Variants in CASP9 observed in about 807,000 individuals in gnomAD.
CASP9 encodes caspase-9.
A neutral mutation model predicts 43.5 loss-of-function variants in CASP9; 29 were observed. That is an observed-to-expected ratio of 0.67 (90% CI 0.50 to 0.91). The LOEUF is 0.91. Ranked by LOEUF, CASP9 falls within the 40% of genes least tolerant of loss-of-function variation. The pLI is 0.00. For synonymous variants in CASP9, 206 were observed against 211.9 expected (o/e 0.97, Z 0.24); for missense variants, 575 against 537.4 (o/e 1.07, Z -0.69).
chr1:15,523,839 ATG>A (rs1177033689), intron 1 of CASP9, among the ~76,000 whole-genome samples: 1 of 152,216 alleles, frequency 6.6e-6, no homozygotes, highest in Non-Finnish European at 1.5e-5. Context: ...AGTTCTCAAG[ATG>A]TGTCTCACAT....
chr1:15,516,444 G>A (rs888534404), intron 2 of CASP9, among the ~76,000 whole-genome samples: 14 of 151,086 alleles, frequency 9.3e-5, no homozygotes, highest in African/African-American at 2.9e-4. Context: ...TCATGCCACT[G>A]CACTCCAGCC....
At chr1:15,500,783 G>T (rs557747674) in intron 6 of CASP9, among the ~76,000 whole-genome samples, 3 of 152,260 alleles carry the variant, frequency 2.0e-5, no homozygotes, top group African/African-American at 7.2e-5. Context: ...CTGGCAGCCT[G>T]TGGGGGCGGA....
rs752726163 is a variant in CASP9 at position 15,493,816 on chromosome 1, C to G, written c.1158+76G>C. 4 of 1,544,362 alleles carry G rather than the reference C, an allele frequency of 2.6e-6. No homozygotes were observed. The African/African-American group carries it at 4.1e-5, about 16-fold the overall frequency. On this transcript the variant is annotated intron_variant, in intron 8 of 8. Transcript: ENST00000333868. ...TGGTTTGGGCCTGCCCTGCTCACCC[C>G]AAATCCCCAGCCCCAGGAGGACACG... is the stretch of plus-strand genomic sequence containing the variant.
chr1:15,501,000 T>C (rs149627797), intron 6 of CASP9, among the ~76,000 whole-genome samples: 1 of 152,340 alleles, frequency 6.6e-6, no homozygotes, highest in South Asian at 2.1e-4. Context: ...CTGCACTGTA[T>C]GCATGGCTTG....
At chr1:15,498,622 T>G (rs1055891577) in intron 6 of CASP9, among the ~76,000 whole-genome samples, 1 of 152,088 alleles carries the variant, frequency 6.6e-6, no homozygotes, top group Non-Finnish European at 1.5e-5. Flanking sequence ...AAGATCACAG[T>G]GTCCCCTTTA....
Position 15,493,951 on chromosome 1 carries a change from G to A in CASP9, c.1099C>T (p.Leu367=), listed in dbSNP as rs146640823. Residue 367 remains leucine, a synonymous_variant, in exon 8 of 9, where the codon CTG becomes TTG. Coordinates refer to ENST00000333868, the MANE Select transcript of CASP9 (RefSeq NM_001229.5). ...GCCCACTGCTCAAAGATGTCGTCCA[G>A]GGTCTCAACGTACCAGGAGCCACTC... The part of the protein sequence containing the change: ...PKSGSWYVET[L]DDIFEQWAHS... The A allele has an allele frequency of 1.2e-6, 2 of 1,604,744 alleles. No homozygotes were observed. Among genetic ancestry groups the A allele is most frequent in the Admixed American group, 1.7e-5 (1 of 59,154 alleles).
Position 15,506,965 on chromosome 1 carries a change from C to T in CASP9, c.564G>A (p.Glu188=). ...RTRTGSNIDC[E]KLRRRFSSLH... Reference sequence around the variant, plus strand: ...GCGAGGAGAAGCGACGCCGCAACTTCTCACAGTCGATGTTGGAGCCAGTGC... The same window carrying T: ...GCGAGGAGAAGCGACGCCGCAACTTTTCACAGTCGATGTTGGAGCCAGTGC... Residue 188 remains glutamate, a synonymous_variant, in exon 4 of 9, where the codon GAG becomes GAA. Transcript: ENST00000333868. 1.9e-6 allele frequency: 3 copies of T among 1,614,204 alleles called. No homozygotes were observed. The highest frequency in any genetic ancestry group is 2.7e-5 in the African/African-American group (2 of 75,072).
intron 8 of CASP9, 96 bp downstream of exon 8, chr1:15,493,796 T>A: frequency 6.5e-7 from 1 of 1,534,084 alleles, no homozygotes; most frequent in Admixed American, 2.0e-5. Context: ...ACCCTTGGTT[T>A]GGGCCTGCCC....
chr1:15,524,456 A>ACCGCGCCGCCCCAGAACACGCT (rs1308549416), upstream of CASP9: 4 of 831,606 alleles, frequency 4.8e-6, no homozygotes, highest in South Asian at 8.3e-5. Flanking sequence ...GCCTCCCATC[A>ACCGCGCCGCCCCAGAACACGCT]CCGCGCCGCC....
chr1:15,504,772 A>G lies in CASP9; in HGVS notation c.721-14T>C. The stretch of plus-strand genomic sequence containing the variant: ...CAGGTGGCTGGCCTAGAAGACCAAG[A>G]ACCCTGGTTACAAAACCAAGAAGTT... On this transcript the variant is annotated splice_polypyrimidine_tract_variant and intron_variant, in intron 5 of 8. Coordinates refer to ENST00000333868, the MANE Select transcript of CASP9 (RefSeq NM_001229.5). 2 of 1,603,170 alleles carry G rather than the reference A, an allele frequency of 1.2e-6. No individual in the cohort carries two copies. Among genetic ancestry groups the G allele is most frequent in the Non-Finnish European group, 1.7e-6 (2 of 1,175,988 alleles).
intron 2 of CASP9, among the ~76,000 whole-genome samples, chr1:15,513,242 TTACTAAG>T (rs1352524662): frequency 1.3e-5 from 2 of 152,058 alleles, no homozygotes; most frequent in Non-Finnish European, 2.9e-5. Flanking sequence ...ATGCAAATGT[TTACTAAG>T]TACCTGCTGA....
chr1:15,524,416 C>T, upstream of CASP9: 2 of 1,324,622 alleles, frequency 1.5e-6, no homozygotes, highest in Non-Finnish European at 1.9e-6. Flanking sequence ...CAGGACGCAC[C>T]TCTGCGCCTC....
chr1:15,497,657 A>G (rs35328037), intron 6 of CASP9, among the ~76,000 whole-genome samples: 1 of 150,582 alleles, frequency 6.6e-6, no homozygotes, highest in Non-Finnish European at 1.5e-5. Context: ...AAAAAAAAAA[A>G]AGATATAAAT....
upstream of CASP9, chr1:15,524,249 C>G (rs1468642883): frequency 6.6e-7 from 1 of 1,522,744 alleles, no homozygotes; most frequent in Admixed American, 2.0e-5. Context: ...GCTTCCGGGC[C>G]TCGGCCGCCC....
chr1:15,494,687 C>T (rs1250211904), intron 7 of CASP9, among the ~76,000 whole-genome samples: 1 of 151,548 alleles, frequency 6.6e-6, no homozygotes, highest in Non-Finnish European at 1.5e-5. Flanking sequence ...CACGGTGAAA[C>T]CCCATCTCTA....
chr1:15,512,656 T>A (rs1275103069), intron 2 of CASP9, among the ~76,000 whole-genome samples: 2 of 152,126 alleles, frequency 1.3e-5, no homozygotes, highest in East Asian at 3.8e-4. Context: ...AATAAATATG[T>A]TTTTAGATAA....
chr1:15,507,983 GC>G, intron 2 of CASP9, 76 bp from the exon 3 acceptor site: 2 of 1,484,520 alleles, frequency 1.3e-6, no homozygotes, highest in South Asian at 1.1e-5. Flanking sequence ...TGTGAGGACA[GC>G]CCCCCAAGAA....
At chr1:15,524,044 C>CGGGGACA in intron 1 of CASP9, 25 bp downstream of exon 1, 1 of 1,419,098 alleles carries the variant, frequency 7.0e-7, no homozygotes, top group East Asian at 3.0e-5. Flanking sequence ...CCGTGCAGCG[C>CGGGGACA]GGGGACAGGG....
At chr1:15,494,862 C>CA (rs563954013) in intron 7 of CASP9, among the ~76,000 whole-genome samples, 3,358 of 43,494 alleles carry the variant, frequency 0.077, 334 homozygotes, top group African/African-American at 0.11. Flanking sequence ...GATTCCATCT[C>CA]AAAAAAAAAA....
Sources: gnomAD v4.1 joint callset for allele counts (sites outside exome capture counted in the v4.1 genomes callset) on GRCh38, gnomAD v4.1.1 for gene constraint, MANE v1.5 for transcripts, NCBI Gene and HGNC (gene_info 2026-07-23, HGNC 2026-07-21) for gene names.